DNAH9: variants seen among roughly 807,000 people sequenced by gnomAD.
DNAH9 encodes the protein dynein axonemal heavy chain 9.
A neutral mutation model predicts 471.6 loss-of-function variants in DNAH9; 345 were observed. That is an observed-to-expected ratio of 0.73 (90% CI 0.67 to 0.80). The LOEUF (loss-of-function observed/expected upper bound fraction) is 0.80, where lower values mean the gene tolerates loss of function less well. DNAH9 is among the 30% of genes least tolerant of loss of function. The probability of loss-of-function intolerance (pLI) is 0.00; values close to 1 mark genes in which losing one functional copy is unlikely to be tolerated. For missense variants in DNAH9, 5,407 were observed against 5,609.2 expected, an observed-to-expected ratio of 0.96 and a Z score of 1.15; for synonymous variants, 2,093 against 2,123.6, an observed-to-expected ratio of 0.99 and a Z score of 0.40.
chr17:11,797,635 C>G lies in DNAH9; in HGVS notation c.8262C>G (p.Asn2754Lys). 1 of 1,614,068 alleles carries G rather than the reference C, an allele frequency of 6.2e-7. No individual in the cohort carries two copies. Among genetic ancestry groups the G allele is most frequent in the Non-Finnish European group, 8.5e-7 (1 of 1,180,002 alleles). ...EDPVEQTQSP[N>K]LYCHFANGIG... ...CTGTGGAGCAGACCCAAAGCCCGAA[C>G]CTGTATTGTCACTTTGCAAATGGTA... is the stretch of plus-strand genomic sequence containing the variant. The change falls in exon 43 of 69, where the codon AAC (asparagine) becomes AAG (lysine). Residue 2754 changes from asparagine to lysine, a missense_variant. Physicochemically the swap from Asn to Lys is moderately conservative, Grantham distance 94. Transcript: ENST00000262442.
chr17:11,704,532 T>C (rs2074663936), intron 25 of DNAH9, 90 bp downstream of exon 25: 1 of 1,292,084 alleles, frequency 7.7e-7, no homozygotes, highest in South Asian at 1.4e-5. Flanking sequence ...CCCCAGGGTC[T>C]GTACAGCACT....
At chr17:11,729,517 C>T (rs925062132) in intron 28 of DNAH9, among the ~76,000 whole-genome samples, 2 of 152,092 alleles carry the variant, frequency 1.3e-5, no homozygotes, top group African/African-American at 2.4e-5. Flanking sequence ...GCGCACAGTA[C>T]AGAAAAAGGA....
At chr17:11,646,901 G>A (rs918849515) in intron 11 of DNAH9, among the ~76,000 whole-genome samples, 171 bp from the exon 12 acceptor site, 4 of 152,224 alleles carry the variant, frequency 2.6e-5, no homozygotes, top group East Asian at 3.9e-4. Context: ...CAACAAGAGC[G>A]AAACTCTGTC....
In DNAH9 at chr17:11,930,107, A is replaced by G. The variant is rs756400658; in HGVS notation, c.12105+14A>G. ...AACTTCACTCAGGTACGGCCCCGGG[A>G]GGGAGGCAAAAACAGCAGCACACCT... is the stretch of plus-strand genomic sequence containing the variant. On this transcript the variant is annotated intron_variant, in intron 63 of 68. Coordinates refer to ENST00000262442, the MANE Select transcript of DNAH9 (RefSeq NM_001372.4). 1 of 1,607,866 alleles carries G rather than the reference A, an allele frequency of 6.2e-7. No homozygotes were observed. Among genetic ancestry groups the G allele is most frequent in the East Asian group, 2.2e-5 (1 of 44,816 alleles).
chr17:11,781,132 A>G lies in DNAH9; in HGVS notation c.7676A>G (p.Gln2559Arg). The G allele has an allele frequency of 4.3e-6, 7 of 1,614,172 alleles. No individual in the cohort carries two copies. Among genetic ancestry groups the G allele is most frequent in the Non-Finnish European group, 5.1e-6 (6 of 1,180,036 alleles). Residue 2559 changes from glutamine (Q) to arginine (R), a missense_variant, in exon 39 of 69, where the codon CAG becomes CGG. By Grantham distance (43) the Gln-to-Arg change is conservative. Around this residue, in one of 3 missense-constraint regions of DNAH9, gnomAD observed 4,636 missense variants for 4,900.3 expected, o/e 0.95. Coordinates refer to ENST00000262442, the MANE Select transcript of DNAH9 (RefSeq NM_001372.4). ...GAGGTGGATGCCTACGGGACGGTGC[A>G]GCCCCACACCATCATCCGGCAGCAT... ...MPEVDAYGTV[Q>R]PHTIIRQHLD... is the part of the protein sequence containing the mutation.
intron 45 of DNAH9, among the ~76,000 whole-genome samples, chr17:11,811,772 C>G (rs1038638225): frequency 3.3e-5 from 5 of 151,560 alleles, no homozygotes; most frequent in Non-Finnish European, 7.4e-5. Context: ...GTATATTGTT[C>G]CTGGACACTG....
chr17:11,742,347 C>T (rs773990330), intron 30 of DNAH9, 34 bp downstream of exon 30: 1 of 1,605,882 alleles, frequency 6.2e-7, no homozygotes, highest in African/African-American at 1.3e-5. Flanking sequence ...CAACCAAGCA[C>T]CGTGCAACAG....
At chr17:11,923,679 T>C in intron 61 of DNAH9, 135 bp from the exon 62 acceptor site, 6 of 1,033,934 alleles carry the variant, frequency 5.8e-6, no homozygotes, top group Non-Finnish European at 8.4e-6. Flanking sequence ...AAAGGGTCAG[T>C]ATATGAGGTT....
At chr17:11,633,566 AC>A (rs1182768781) in intron 8 of DNAH9, among the ~76,000 whole-genome samples, 1 of 152,238 alleles carries the variant, frequency 6.6e-6, no homozygotes, top group African/African-American at 2.4e-5. Flanking sequence ...CATTGACCAT[AC>A]ATATACATGT....
intron 48 of DNAH9, among the ~76,000 whole-genome samples, chr17:11,831,338 AAG>A (rs1283017015): frequency 6.6e-6 from 1 of 152,098 alleles, no homozygotes; most frequent in Non-Finnish European, 1.5e-5. Context: ...GAGAGGAGGC[AAG>A]AGAGAGAGGG....
At chr17:11,784,642 C>T in intron 41 of DNAH9, 103 bp downstream of exon 41, 1 of 1,504,104 alleles carries the variant, frequency 6.6e-7, no homozygotes, top group Non-Finnish European at 9.1e-7. Flanking sequence ...TAGGCACAGG[C>T]AAAGCCACTG....
chr17:11,606,253 G>C (rs111485722), intron 1 of DNAH9, among the ~76,000 whole-genome samples: 1 of 151,878 alleles, frequency 6.6e-6, no homozygotes, highest in Non-Finnish European at 1.5e-5. Flanking sequence ...GGCCACTGGG[G>C]CTTATTGATC....
intron 50 of DNAH9, among the ~76,000 whole-genome samples, chr17:11,863,155 A>G (rs1216444389): frequency 3.3e-5 from 5 of 152,132 alleles, no homozygotes; most frequent in South Asian, 2.1e-4. Context: ...TTGGCTGTGG[A>G]TTTGTCATAG....
intron 67 of DNAH9, among the ~76,000 whole-genome samples, chr17:11,945,560 T>C (rs1009033041): frequency 2.0e-5 from 3 of 151,518 alleles, no homozygotes; most frequent in African/African-American, 4.9e-5. Context: ...AAAATCACTT[T>C]AAAGTTCTGG....
intron 42 of DNAH9, 43 bp from the exon 43 acceptor site, chr17:11,797,554 G>C: frequency 6.5e-7 from 1 of 1,536,018 alleles, no homozygotes; most frequent in Non-Finnish European, 8.9e-7. Flanking sequence ...ACCAGCCCCA[G>C]AAGTCAATAA....
chr17:11,946,448 G>A (rs948255941), intron 67 of DNAH9, among the ~76,000 whole-genome samples: 19 of 151,700 alleles, frequency 1.3e-4, no homozygotes, highest in African/African-American at 4.4e-4. Context: ...TGGATCACAA[G>A]GTCAGGAGTT....
chr17:11,834,838 C>T lies in DNAH9; in HGVS notation c.9447C>T (p.Asp3149=). Residue 3149 remains aspartate (D), a synonymous_variant, in exon 49 of 69, where the codon GAC becomes GAT. Transcript: ENST00000262442. ...AGAAGCAGAAGGACTGTGAGGAGGA[C>T]CTGGCAAAGGCTGAGCCAGCACTCA... ...VKQKQKDCEE[D]LAKAEPALTA... 4 of 1,613,912 alleles carry T rather than the reference C, an allele frequency of 2.5e-6. No individual in the cohort carries two copies. The highest frequency in any genetic ancestry group is 1.1e-5 in the South Asian group (1 of 91,046).
At chr17:11,898,002 C>G (rs1484199414) in intron 59 of DNAH9, among the ~76,000 whole-genome samples, 1 of 152,218 alleles carries the variant, frequency 6.6e-6, no homozygotes, top group African/African-American at 2.4e-5. Context: ...TTGATAGCCC[C>G]TGGTGTCTTT....
intron 57 of DNAH9, among the ~76,000 whole-genome samples, chr17:11,890,578 A>C (rs539432587): frequency 1.3e-4 from 20 of 152,354 alleles, no homozygotes; most frequent in East Asian, 1.2e-3. Flanking sequence ...GAAGCCACAA[A>C]AGGAAAATAG....
Sources: allele counts gnomAD v4.1 joint callset (sites outside exome capture counted in the v4.1 genomes callset), GRCh38; gene constraint gnomAD v4.1.1; regional missense constraint gnomAD v4.1.1; transcripts MANE v1.5; gene names NCBI Gene and HGNC (gene_info 2026-07-23, HGNC 2026-07-21).